Variants in NDUFA10 observed in about 807,000 individuals in gnomAD.
The protein encoded by NDUFA10 is NADH dehydrogenase [ubiquinone] 1 alpha subcomplex subunit 10, mitochondrial.
NDUFA10 carries 40 observed loss-of-function variants against 47.8 expected under a neutral mutation model. That is an observed-to-expected ratio of 0.84 (90% confidence interval 0.65 to 1.09). The LOEUF (loss-of-function observed/expected upper bound fraction) is 1.09. Ranked by LOEUF, NDUFA10 falls within the 50% of genes least tolerant of loss-of-function variation. The pLI is 0.00. For synonymous variants in NDUFA10, 183 were observed against 172.2 expected, an observed-to-expected ratio of 1.06 and a Z score of -0.49; for missense variants, 413 against 451.1, an observed-to-expected ratio of 0.92 and a Z score of 0.76.
intron 6 of NDUFA10, among the ~76,000 whole-genome samples, chr2:240,009,054 G>T (rs1341039462): frequency 6.6e-6 from 1 of 152,192 alleles, no homozygotes; most frequent in Non-Finnish European, 1.5e-5. Context: ...CTCAATGGTG[G>T]TTATTCCTAT....
chr2:239,900,995 C>T (rs1693534653), intron 4 of NDUFA10, among the ~76,000 whole-genome samples: 1 of 152,206 alleles, frequency 6.6e-6, no homozygotes, highest in Non-Finnish European at 1.5e-5. Context: ...AAACAACAGA[C>T]TTTCAATGTA....
At chr2:239,940,178 C>G (rs1574793237) in intron 4 of NDUFA10, among the ~76,000 whole-genome samples, 1 of 152,268 alleles carries the variant, frequency 6.6e-6, no homozygotes, top group Admixed American at 6.5e-5. Flanking sequence ...AAATACTCAA[C>G]TCCAGGCAAA....
chr2:239,947,052 C>A (rs5025692), intron 4 of NDUFA10, among the ~76,000 whole-genome samples: 1 of 152,200 alleles, frequency 6.6e-6, no homozygotes, highest in Non-Finnish European at 1.5e-5. Flanking sequence ...ACTCCTCAGT[C>A]CTGAAGCCCG....
intron 8 of NDUFA10, among the ~76,000 whole-genome samples, chr2:240,003,334 T>C (rs1696803719): frequency 6.6e-6 from 1 of 152,168 alleles, no homozygotes; most frequent in South Asian, 2.1e-4. Context: ...AGAACAGAGC[T>C]GCCATCTGTA....
chr2:239,900,868 G>A (rs1261689741), intron 4 of NDUFA10, among the ~76,000 whole-genome samples: 1 of 152,266 alleles, frequency 6.6e-6, no homozygotes, highest in African/African-American at 2.4e-5. Flanking sequence ...GAGGCTGAAG[G>A]AAAGAAGCCA....
At chr2:239,944,510 A>G (rs1048897905) in intron 4 of NDUFA10, among the ~76,000 whole-genome samples, 1 of 152,104 alleles carries the variant, frequency 6.6e-6, no homozygotes, top group Non-Finnish European at 1.5e-5. Flanking sequence ...TTACCTTTCC[A>G]TGTGAATTCA....
In NDUFA10 at chr2:239,945,145, C is replaced by T. The variant is rs192484169; in HGVS notation, c.294+44929G>A. Among the ~76,000 whole-genome samples the T allele has an allele frequency of 2.7e-3, 405 of 152,232 alleles. 1 individual carries two copies. Among genetic ancestry groups the T allele is most frequent in the Middle Eastern group, 6.8e-3 (2 of 294 alleles). On this transcript the variant is annotated intron_variant, in intron 4 of 5. Coordinates refer to the NDUFA10 transcript ENST00000419408. The surrounding 1 kb of genome is among the most constrained non-coding windows in gnomAD (Gnocchi z 4.6). ...CCAGGCACGTGTACAGCCATCAGAG[C>T]CCCGGCACCCCTCCCGCAGGAGGGC...
chr2:240,003,468 G>A (rs1696812649), intron 8 of NDUFA10, among the ~76,000 whole-genome samples: 2 of 152,212 alleles, frequency 1.3e-5, no homozygotes, highest in East Asian at 1.9e-4. Context: ...AGCATCCTGG[G>A]TAGAGGCAGG....
intron 4 of NDUFA10, among the ~76,000 whole-genome samples, chr2:239,922,031 T>TCCTTCCTTCCTTTCTTCCCTCCCTC (rs1559284194): frequency 1.5e-5 from 2 of 133,260 alleles, no homozygotes; most frequent in Non-Finnish European, 3.2e-5. Context: ...CTTCCTTCTT[T>TCCTTCCTTCCTTTCTTCCCTCCCTC]CCTTCCTTCC....
rs368631018 is a variant in NDUFA10, at chr2:239,899,400, A to G, written c.295-4086T>C. ...GTGTGGAGGGGTGTGGTGGAGAGGTATGATGCAGAGGTGTGATGGAGGGGT... is the reference window on the plus strand; with the variant it reads ...GTGTGGAGGGGTGTGGTGGAGAGGTGTGATGCAGAGGTGTGATGGAGGGGT... On this transcript the variant is annotated intron_variant, in intron 4 of 5. Transcript: ENST00000419408. 8.6e-5 allele frequency among the ~76,000 whole-genome samples: 7 copies of G among 81,514 alleles called. 1 individual carries two copies. In the East Asian group the frequency reaches 1.4e-3, roughly 16 times the overall value. The allele number at this position is 81,514 out of a possible 152,430, so 53.5% of individuals were successfully genotyped here.
intron 4 of NDUFA10, among the ~76,000 whole-genome samples, chr2:239,932,680 C>T (rs1051926744): frequency 4.6e-5 from 7 of 152,060 alleles, no homozygotes; most frequent in African/African-American, 7.2e-5. Context: ...CCCGGGTTCA[C>T]GCCATTCTCC....
intron 4 of NDUFA10, among the ~76,000 whole-genome samples, chr2:239,948,525 G>A (rs1694495370): frequency 6.6e-6 from 1 of 152,246 alleles, no homozygotes; most frequent in South Asian, 2.1e-4. Flanking sequence ...GGAGTCGCTG[G>A]AAAACCCAAT....
intron 4 of NDUFA10, among the ~76,000 whole-genome samples, chr2:239,951,519 C>T (rs1574801605): frequency 6.6e-6 from 1 of 152,170 alleles, no homozygotes; most frequent in Admixed American, 6.5e-5. Context: ...GATGCCTGGT[C>T]AGGGTCCTCC....
intron 9 of NDUFA10, among the ~76,000 whole-genome samples, chr2:239,962,778 G>A (rs973438529): frequency 3.3e-5 from 5 of 152,190 alleles, no homozygotes; most frequent in Admixed American, 1.3e-4. Flanking sequence ...AGCAAAGCAG[G>A]GGCAGGTACG....
intron 4 of NDUFA10, among the ~76,000 whole-genome samples, chr2:239,950,210 A>G (rs1694528438): frequency 6.6e-6 from 1 of 152,150 alleles, no homozygotes; most frequent in African/African-American, 2.4e-5. Flanking sequence ...TCAGCAGTAC[A>G]GGCTGGCCCT....
rs1010256239 is a variant in NDUFA10, at chr2:239,906,042, G to A, written c.295-10728C>T. ...AGAATTCCCCTAAGGAATTCCTGGAGCCCTGAGGGGTGATACCTCCAAGGT... is the reference window on the plus strand; with the variant it reads ...AGAATTCCCCTAAGGAATTCCTGGAACCCTGAGGGGTGATACCTCCAAGGT... On this transcript the variant is annotated intron_variant, in intron 4 of 5. Coordinates refer to the NDUFA10 transcript ENST00000419408. The surrounding 1 kb of genome is among the most constrained non-coding windows in gnomAD (Gnocchi z 4.3). Among the ~76,000 whole-genome samples the A allele has an allele frequency of 2.0e-5, 3 of 152,130 alleles. No individual in the cohort carries two copies. The highest frequency in any genetic ancestry group is 1.3e-4 in the Admixed American group (2 of 15,280).
chr2:239,959,792 C>T lies in NDUFA10; in HGVS notation c.*1326G>A. The T allele has an allele frequency of 1.3e-6, 1 of 791,838 alleles. No homozygotes were observed. Among genetic ancestry groups the T allele is most frequent in the South Asian group, 5.8e-5 (1 of 17,374 alleles). The allele number at this position is 791,838 out of a possible 1,614,324, so 49.1% of individuals were successfully genotyped here. On this transcript the variant is annotated 3_prime_UTR_variant, in exon 10 of 10. Coordinates refer to ENST00000252711, the MANE Select transcript of NDUFA10 (RefSeq NM_004544.4). Reference sequence around the variant, plus strand: ...GGAAGGGAAGGGAGGAAAACAAGGACAGATGGAAGGAAGAAAGGAAGGGAG... The same window carrying T: ...GGAAGGGAAGGGAGGAAAACAAGGATAGATGGAAGGAAGAAAGGAAGGGAG...
intron 6 of NDUFA10, among the ~76,000 whole-genome samples, chr2:240,007,718 A>C (rs1696999731): frequency 6.6e-6 from 1 of 152,204 alleles, no homozygotes; most frequent in Non-Finnish European, 1.5e-5. Flanking sequence ...TGCACATACC[A>C]TCGCCAAAGG....
downstream of NDUFA10, among the ~76,000 whole-genome samples, chr2:239,954,828 G>A (rs1034841986): frequency 2.1e-5 from 3 of 140,432 alleles, no homozygotes; most frequent in Admixed American, 2.1e-4. Context: ...GGCAGGTGAC[G>A]ACTGGTTGCC....
Sources: allele counts gnomAD v4.1 joint callset (sites outside exome capture counted in the v4.1 genomes callset), GRCh38; gene constraint gnomAD v4.1.1; non-coding constraint Gnocchi (gnomAD v3.1); transcripts MANE v1.5; gene names NCBI Gene and HGNC (gene_info 2026-07-23, HGNC 2026-07-21).